Variants in WWP2 observed in about 807,000 individuals in gnomAD.
WWP2 encodes WW domain containing E3 ubiquitin protein ligase 2, also known as NEDD4-like E3 ubiquitin-protein ligase WWP2.
Under a neutral mutation model 121.0 loss-of-function variants are expected in WWP2, and 57 were observed. That is an observed-to-expected ratio of 0.47 (90% CI 0.38 to 0.59). The LOEUF is 0.59. Among genes scored for constraint, WWP2 ranks in the 20% least tolerant of loss-of-function variants. The pLI, the probability that WWP2 is intolerant of heterozygous loss-of-function variation, is 0.00. For missense variants in WWP2, 962 were observed against 1,158.9 expected, an observed-to-expected ratio of 0.83 and a Z score of 2.47; for synonymous variants, 449 against 441.3, an observed-to-expected ratio of 1.02 and a Z score of -0.22.
chr16:69,822,744 G>A (rs181953195), intron 4 of WWP2, among the ~76,000 whole-genome samples: 20 of 152,268 alleles, frequency 1.3e-4, no homozygotes, highest in African/African-American at 4.8e-4. Flanking sequence ...GGAGGCCAAC[G>A]GCAGGGAGGA....
At chr16:69,822,803 G>A (rs1481455277) in intron 4 of WWP2, among the ~76,000 whole-genome samples, 1 of 152,094 alleles carries the variant, frequency 6.6e-6, no homozygotes, top group Non-Finnish European at 1.5e-5. Flanking sequence ...TTTGAGGTGT[G>A]TGTATAATTT....
At chr16:69,932,697 C>G (rs1207881946) in intron 16 of WWP2, among the ~76,000 whole-genome samples, 2 of 152,200 alleles carry the variant, frequency 1.3e-5, no homozygotes, top group Non-Finnish European at 2.9e-5. Flanking sequence ...TTGAGCAGGG[C>G]TCAACTGCAT....
intron 4 of WWP2, among the ~76,000 whole-genome samples, chr16:69,832,446 T>C (rs191951650): frequency 1.2e-4 from 18 of 152,342 alleles, no homozygotes; most frequent in South Asian, 6.2e-4. Flanking sequence ...ATTTCATACC[T>C]AGAAAACTCA....
intron 8 of WWP2, among the ~76,000 whole-genome samples, chr16:69,905,052 A>G (rs902740931): frequency 6.6e-6 from 1 of 152,166 alleles, no homozygotes; most frequent in African/African-American, 2.4e-5. Flanking sequence ...TGATCAGACC[A>G]CGCCCAAATA....
At chr16:69,824,504 C>T (rs1440873270) in intron 4 of WWP2, among the ~76,000 whole-genome samples, 3 of 144,510 alleles carry the variant, frequency 2.1e-5, no homozygotes, top group African/African-American at 7.7e-5. Context: ...CCCTCCCTCC[C>T]TCCCTTCCCC....
intron 10 of WWP2, chr16:69,924,958 T>C: frequency 1.0e-6 from 1 of 987,792 alleles, no homozygotes; most frequent in South Asian, 4.6e-5. Context: ...CTTGTGGGAA[T>C]GATTTCATTG....
At position 69,820,738 on chromosome 16, in the gene WWP2, T is replaced by C. The variant is rs1027780028; in HGVS notation, c.341-19388T>C. ...TTTCTCATTCATTGTCCTCCACAAA[T>C]AGAATGTAAGGTCTATGGGGGCAGG... On this transcript the variant is annotated intron_variant, in intron 4 of 23. Transcript: ENST00000359154. Among the ~76,000 whole-genome samples the C allele has an allele frequency of 2.0e-4, 28 of 142,414 alleles. 4 individuals are homozygous for C. Among genetic ancestry groups the C allele is most frequent in the Non-Finnish European group, 9.6e-5 (6 of 62,484 alleles). 93.4% of individuals were successfully genotyped at this position (142,414 alleles called of 152,430 possible).
intron 6 of WWP2, among the ~76,000 whole-genome samples, chr16:69,846,080 T>C (rs1303645800): frequency 7.6e-5 from 7 of 91,838 alleles, no homozygotes; most frequent in Non-Finnish European, 1.6e-4. Flanking sequence ...AGAATACTTA[T>C]CTGGTCTGGC....
At chr16:69,896,979 C>T (rs755203027) in intron 8 of WWP2, among the ~76,000 whole-genome samples, 4 of 152,114 alleles carry the variant, frequency 2.6e-5, no homozygotes, top group South Asian at 4.2e-4. Flanking sequence ...AAAATCCATT[C>T]GTTTTTATTG....
At position 69,860,210 on chromosome 16, in the gene WWP2, C is replaced by T. The variant is rs571762733; in HGVS notation, c.576-11594C>T. Reference sequence around the variant, plus strand: ...GTCCGATTCCATTCTTTAAAGGAGTCGGGGAGGTGATGAGTGACTGGATTG... The same window carrying T: ...GTCCGATTCCATTCTTTAAAGGAGTTGGGGAGGTGATGAGTGACTGGATTG... On this transcript the variant is annotated intron_variant, in intron 6 of 23. Coordinates refer to ENST00000359154, the MANE Select transcript of WWP2 (RefSeq NM_001270454.2). Among the ~76,000 whole-genome samples the T allele has an allele frequency of 2.6e-5, 4 of 152,092 alleles. No homozygotes were observed. The East Asian group carries it at 5.8e-4, about 22-fold the overall frequency.
intron 1 of WWP2, among the ~76,000 whole-genome samples, chr16:69,786,639 C>T (rs550259111): frequency 2.0e-5 from 3 of 151,402 alleles, no homozygotes; most frequent in South Asian, 2.1e-4. Context: ...TTAGTAGAGA[C>T]GGGGTTTTGC....
chr16:69,819,309 C>A (rs2056551873), intron 4 of WWP2, among the ~76,000 whole-genome samples: 2 of 152,220 alleles, frequency 1.3e-5, no homozygotes, highest in Non-Finnish European at 2.9e-5. Context: ...TCCATAAAAA[C>A]CAAAGTCATT....
intron 2 of WWP2, among the ~76,000 whole-genome samples, chr16:69,798,004 C>T (rs1054430541): frequency 1.3e-5 from 2 of 152,202 alleles, no homozygotes; most frequent in Admixed American, 6.5e-5. Flanking sequence ...AGGCATGAGC[C>T]GCCACGCCCG....
In WWP2 at chr16:69,940,302, T is replaced by A. The variant is rs976305490; in HGVS notation, c.*362T>A. The A allele has an allele frequency of 4.4e-6, 1 of 228,750 alleles. No homozygotes were observed. The highest frequency in any genetic ancestry group is 8.6e-6 in the Non-Finnish European group (1 of 116,522). 14.2% of individuals were successfully genotyped at this position (228,750 alleles called of 1,614,324 possible). A position where few individuals can be genotyped will look rare whatever the true frequency, so the allele number is the denominator to read the frequency against. On this transcript the variant is annotated 3_prime_UTR_variant, in exon 24 of 24. Transcript: ENST00000359154. ...GGGGCTGCCGCAGAGGCCGGAGACC[T>A]CCTGGACTAGTTCGGCGAGGAGACT...
At position 69,882,040 on chromosome 16, in the gene WWP2, G is replaced by A. The variant is rs375557351; in HGVS notation, c.704-5999G>A. Among the ~76,000 whole-genome samples, 16 of 151,440 alleles carry A rather than the reference G, an allele frequency of 1.1e-4. 2 individuals are homozygous for A. Among genetic ancestry groups the A allele is most frequent in the East Asian group, 3.9e-4 (2 of 5,132 alleles). On this transcript the variant is annotated intron_variant, in intron 7 of 23. Transcript: ENST00000359154. The stretch of plus-strand genomic sequence containing the variant: ...TTGCCATGTTGACCAAGCTGGTCTC[G>A]AACTCCTGGCTTCAAATGATCCACC...
At chr16:69,837,433 TATA>T (rs1486785271) in intron 4 of WWP2, among the ~76,000 whole-genome samples, 1 of 152,228 alleles carries the variant, frequency 6.6e-6, no homozygotes, top group African/African-American at 2.4e-5. Flanking sequence ...CCTTCAAATA[TATA>T]ATGATTCCAC....
Position 69,939,084 on chromosome 16 carries a change from ACCTGCCG to A in WWP2, c.2408_2414del (p.Arg803ProfsTer49). The A allele has an allele frequency of 6.2e-7, 1 of 1,606,548 alleles. No individual in the cohort carries two copies. The highest frequency in any genetic ancestry group is 8.5e-7 in the Non-Finnish European group (1 of 1,176,200). ...CCGGCTGCTGCAGTTTGTCACCGGT[ACCTGCCG>A]CCTGCCCGTCGGGGGATTTGCCGAA... is the stretch of plus-strand genomic sequence containing the variant. On this transcript the variant is annotated frameshift_variant, in exon 22 of 24. Transcript: ENST00000359154. LOFTEE classifies it high-confidence loss of function.
At chr16:69,813,536 T>C (rs2056435230) in intron 4 of WWP2, among the ~76,000 whole-genome samples, 1 of 152,184 alleles carries the variant, frequency 6.6e-6, no homozygotes, top group African/African-American at 2.4e-5. Flanking sequence ...TGGAGTGCAG[T>C]AGCGCAATCT....
intron 6 of WWP2, among the ~76,000 whole-genome samples, chr16:69,864,979 G>A (rs1231174256): frequency 2.0e-5 from 3 of 151,992 alleles, no homozygotes; most frequent in African/African-American, 2.4e-5. Flanking sequence ...TGCACTTCCC[G>A]AAGAACTTAT....
Sources: gnomAD v4.1 joint callset for allele counts (sites outside exome capture counted in the v4.1 genomes callset) on GRCh38, gnomAD v4.1.1 for gene constraint, MANE v1.5 for transcripts, NCBI Gene and HGNC (gene_info 2026-07-23, HGNC 2026-07-21) for gene names.